POU6F2: variants seen among roughly 807,000 people sequenced by gnomAD.
POU6F2 encodes POU class 6 homeobox 2, also known as POU domain, class 6, transcription factor 2.
POU6F2 carries 31 observed loss-of-function variants against 71.3 expected under a neutral mutation model. The ratio of observed to expected loss-of-function variants is 0.43; its 90% confidence interval spans 0.33 to 0.59. The LOEUF (loss-of-function observed/expected upper bound fraction) is 0.59, where lower values mean the gene tolerates loss of function less well. Ranked by LOEUF, POU6F2 falls within the 20% of genes least tolerant of loss-of-function variation. POU6F2 has a pLI of 0.04. For missense variants in POU6F2, 783 were observed against 856.8 expected (o/e 0.91, Z 1.07); for synonymous variants, 347 against 355.7 (o/e 0.98, Z 0.27).
intron 2 of POU6F2, among the ~76,000 whole-genome samples, chr7:39,168,650 C>T (rs933902588): frequency 2.6e-5 from 4 of 152,192 alleles, no homozygotes; most frequent in Admixed American, 6.5e-5. Context: ...TTGTCCGATA[C>T]AGGCTTAACT....
intron 2 of POU6F2, among the ~76,000 whole-genome samples, chr7:39,182,452 G>A (rs1793452936): frequency 6.6e-6 from 1 of 151,960 alleles, no homozygotes; most frequent in Non-Finnish European, 1.5e-5. Context: ...TATTCCAATG[G>A]AACTGCCCAT....
chr7:39,222,496 C>A (rs1794388836), intron 4 of POU6F2, among the ~76,000 whole-genome samples: 2 of 152,174 alleles, frequency 1.3e-5, no homozygotes, highest in South Asian at 4.2e-4. Context: ...TCATCATCAC[C>A]ATCCATCTCT....
chr7:39,179,151 C>T (rs1387663927), intron 2 of POU6F2, among the ~76,000 whole-genome samples: 2 of 152,164 alleles, frequency 1.3e-5, no homozygotes, highest in African/African-American at 4.8e-5. Flanking sequence ...TTTAAAGTCA[C>T]TGCTACTATA....
intron 4 of POU6F2, among the ~76,000 whole-genome samples, chr7:39,277,461 G>T (rs372399153): frequency 5.3e-5 from 8 of 152,050 alleles, no homozygotes; most frequent in African/African-American, 1.7e-4. Flanking sequence ...ATGTCCACGT[G>T]TACCCAGGAG....
chr7:39,233,251 T>C (rs1467087604), intron 4 of POU6F2, among the ~76,000 whole-genome samples: 1 of 150,940 alleles, frequency 6.6e-6, no homozygotes, highest in East Asian at 1.9e-4. Context: ...AATAATTTGA[T>C]AGAATATTGT....
At chr7:39,303,597 G>A (rs189340233) in intron 4 of POU6F2, among the ~76,000 whole-genome samples, 1 of 152,278 alleles carries the variant, frequency 6.6e-6, no homozygotes. Flanking sequence ...GTGATCCTCT[G>A]GTTGGATGGG....
At chr7:39,156,701 G>A (rs1315628362) in intron 2 of POU6F2, among the ~76,000 whole-genome samples, 3 of 152,058 alleles carry the variant, frequency 2.0e-5, no homozygotes, top group Non-Finnish European at 4.4e-5. Flanking sequence ...ACAAAATTAA[G>A]GTATAGAGAA....
chr7:39,323,229 T>C (rs920337895), intron 4 of POU6F2, among the ~76,000 whole-genome samples: 11 of 152,068 alleles, frequency 7.2e-5, no homozygotes, highest in African/African-American at 2.7e-4. Context: ...TGTCCCCTCA[T>C]AGAATTTCAG....
chr7:39,339,294 G>A (rs1446153816), intron 4 of POU6F2, among the ~76,000 whole-genome samples: 1 of 152,164 alleles, frequency 6.6e-6, no homozygotes, highest in Non-Finnish European at 1.5e-5. Flanking sequence ...ATGAAATCTT[G>A]AAGCATGAAT....
At chr7:39,013,482 C>G (rs542991921) in intron 1 of POU6F2, 1 of 159,538 alleles carries the variant, frequency 6.3e-6, no homozygotes, top group Non-Finnish European at 1.4e-5. Flanking sequence ...AGAAATCACC[C>G]GTCTTCTGCG....
intron 4 of POU6F2, among the ~76,000 whole-genome samples, chr7:39,239,627 C>T (rs6974432): frequency 0.24 from 36,921 of 151,908 alleles, 5,465 homozygotes; most frequent in African/African-American, 0.42. Context: ...CTTATATCTG[C>T]CTCATGGAGT....
chr7:39,344,741 G>A (rs529775197), intron 5 of POU6F2, among the ~76,000 whole-genome samples: 137 of 152,242 alleles, frequency 9.0e-4, no homozygotes, highest in African/African-American at 3.0e-3. Context: ...ATAAAAGGGA[G>A]GGGGTAAAAT....
intron 4 of POU6F2, among the ~76,000 whole-genome samples, chr7:39,309,584 TC>T (rs1297410391): frequency 5.3e-5 from 8 of 152,328 alleles, no homozygotes; most frequent in Middle Eastern, 3.4e-3. Context: ...TTCCTCAGGT[TC>T]ACAAACTGAA....
intron 1 of POU6F2, among the ~76,000 whole-genome samples, chr7:39,019,053 C>A (rs774898185): frequency 6.6e-6 from 1 of 152,078 alleles, no homozygotes; most frequent in Non-Finnish European, 1.5e-5. Context: ...GTTTCTTAAA[C>A]CTTATATTTT....
intron 2 of POU6F2, among the ~76,000 whole-genome samples, chr7:39,172,290 A>T (rs1421365117): frequency 6.6e-6 from 1 of 152,156 alleles, no homozygotes; most frequent in African/African-American, 2.4e-5. Context: ...CAGCTCACTT[A>T]TATCCCATAA....
intron 4 of POU6F2, among the ~76,000 whole-genome samples, chr7:39,268,988 T>C (rs1334319409): frequency 1.3e-5 from 2 of 152,204 alleles, no homozygotes. Flanking sequence ...GTACAAAAAG[T>C]CACTACATCT....
intron 2 of POU6F2, among the ~76,000 whole-genome samples, chr7:39,182,933 A>G (rs2128741808): frequency 6.6e-6 from 1 of 152,268 alleles, no homozygotes; most frequent in Admixed American, 6.5e-5. Flanking sequence ...AAGGAAAATC[A>G]TGTTTTCTGG....
chr7:39,045,113 T>C (rs1470942353), intron 1 of POU6F2, among the ~76,000 whole-genome samples: 1 of 152,014 alleles, frequency 6.6e-6, no homozygotes, highest in East Asian at 1.9e-4. Context: ...CTTGAGATTC[T>C]TTAAGGCTGT....
chr7:39,015,700 T>TA (rs1554308033), intron 1 of POU6F2, among the ~76,000 whole-genome samples: 3 of 84,490 alleles, frequency 3.6e-5, no homozygotes, highest in Non-Finnish European at 6.5e-5. Context: ...CTATATATTA[T>TA]ATATATCTAT....
Sources: allele counts gnomAD v4.1 joint callset (sites outside exome capture counted in the v4.1 genomes callset), GRCh38; gene constraint gnomAD v4.1.1; transcripts MANE v1.5; gene names NCBI Gene and HGNC (gene_info 2026-07-23, HGNC 2026-07-21).